ACADSB: variants seen among roughly 807,000 people sequenced by gnomAD.
ACADSB encodes acyl-CoA dehydrogenase short/branched chain, also known as short/branched chain specific acyl-CoA dehydrogenase, mitochondrial.
A neutral mutation model predicts 54.1 loss-of-function variants in ACADSB; 40 were observed. The observed-to-expected ratio is 0.74, with a 90% CI of 0.57 to 0.96. The LOEUF is 0.96. Ranked by LOEUF, ACADSB falls within the 40% of genes least tolerant of loss-of-function variation. ACADSB has a pLI of 0.00. For synonymous variants in ACADSB, 182 were observed against 182.8 expected, an observed-to-expected ratio of 1.00 and a Z score of 0.03; for missense variants, 530 against 510.4, an observed-to-expected ratio of 1.04 and a Z score of -0.37.
intron 8 of ACADSB, among the ~76,000 whole-genome samples, chr10:123,048,013 G>A (rs969980565): frequency 6.6e-6 from 1 of 152,172 alleles, no homozygotes; most frequent in East Asian, 1.9e-4. Context: ...CCCTCCTTGA[G>A]ATCTTGCCAG....
intron 1 of ACADSB, among the ~76,000 whole-genome samples, chr10:123,023,105 A>C (rs934093434): frequency 6.6e-6 from 1 of 152,218 alleles, no homozygotes; most frequent in African/African-American, 2.4e-5. Flanking sequence ...ATAACTCAGA[A>C]GACTTGGCTA....
intron 3 of ACADSB, among the ~76,000 whole-genome samples, chr10:123,038,690 A>G (rs1245710192): frequency 6.6e-6 from 1 of 152,186 alleles, no homozygotes; most frequent in Non-Finnish European, 1.5e-5. Context: ...AACCATTGCC[A>G]CTTAGCTAGA....
intron 1 of ACADSB, among the ~76,000 whole-genome samples, chr10:123,017,439 TC>T (rs1235827219): frequency 6.6e-6 from 1 of 152,192 alleles, no homozygotes; most frequent in Non-Finnish European, 1.5e-5. Context: ...TGCCTCAGCC[TC>T]CCAAGCAGCT....
At chr10:123,036,753 GC>G (rs1850404161) in intron 2 of ACADSB, among the ~76,000 whole-genome samples, 1 of 152,176 alleles carries the variant, frequency 6.6e-6, no homozygotes, top group Admixed American at 6.5e-5. Context: ...GGCTAAGGAA[GC>G]AGTCAGGAAA....
Position 123,056,001 on chromosome 10 carries a change from A to G in ACADSB, c.*2236A>G. The G allele has an allele frequency of 6.6e-6, 1 of 152,594 alleles. No homozygotes were observed. Among genetic ancestry groups the G allele is most frequent in the Non-Finnish European group, 1.5e-5 (1 of 68,228 alleles). The allele number at this position is 152,594 out of a possible 1,614,324, so 9.5% of individuals were successfully genotyped here. On this transcript the variant is annotated 3_prime_UTR_variant, in exon 11 of 11. Transcript: ENST00000358776. The stretch of plus-strand genomic sequence containing the variant: ...GAATTTTATTGTCAATATTGCTATC[A>G]GCATTTTGGGCAAAGCCATTCAGCA...
intron 3 of ACADSB, among the ~76,000 whole-genome samples, chr10:123,039,240 G>A (rs989608387): frequency 6.6e-5 from 10 of 152,096 alleles, no homozygotes; most frequent in Admixed American, 2.0e-4. Context: ...AGATCCTTCC[G>A]TTCTTCCTCG....
chr10:123,033,549 A>C (rs4980174), intron 1 of ACADSB, among the ~76,000 whole-genome samples: 45,864 of 152,044 alleles, frequency 0.3, 8,072 homozygotes, highest in Non-Finnish European at 0.39. Flanking sequence ...CTGTGATGAC[A>C]ACCTCCACTT....
intron 1 of ACADSB, among the ~76,000 whole-genome samples, chr10:123,011,975 C>T (rs942168349): frequency 1.3e-5 from 2 of 152,032 alleles, no homozygotes; most frequent in African/African-American, 4.8e-5. Flanking sequence ...CTCAGCTCCC[C>T]GGGAGCTAGG....
At chr10:123,010,937 GA>G (rs1332802875) in intron 1 of ACADSB, among the ~76,000 whole-genome samples, 1 of 152,202 alleles carries the variant, frequency 6.6e-6, no homozygotes, top group Non-Finnish European at 1.5e-5. Flanking sequence ...GACCATTGGG[GA>G]AGTGATAGGC....
Position 123,020,864 on chromosome 10 carries a change from G to A in ACADSB, c.42+11793G>A, listed in dbSNP as rs147165917. Among the ~76,000 whole-genome samples, 56 of 152,314 alleles carry A rather than the reference G, an allele frequency of 3.7e-4. No individual in the cohort carries two copies. In the East Asian group the frequency reaches 0.01, roughly 27 times the overall value. ...CTAAAAATACAAAAATTAGCTGGGT[G>A]TGATGGCACGCGGCTGTAATCCTAG... On this transcript the variant is annotated intron_variant, in intron 1 of 10. Transcript: ENST00000358776.
chr10:123,034,259 A>AT (rs1850366019), intron 1 of ACADSB, 97 bp from the exon 2 acceptor site: 3 of 1,342,040 alleles, frequency 2.2e-6, no homozygotes, highest in Non-Finnish European at 3.2e-6. Flanking sequence ...AAGTTTCCTT[A>AT]TTTTGGTGAC....
chr10:123,044,720 A>G (rs1850527858), intron 7 of ACADSB, among the ~76,000 whole-genome samples: 1 of 152,238 alleles, frequency 6.6e-6, no homozygotes, highest in African/African-American at 2.4e-5. Flanking sequence ...TGAGAACATT[A>G]AAGTATTATC....
At chr10:123,053,222 C>A (rs1045316459) in intron 10 of ACADSB, 62 bp downstream of exon 10, 10 of 1,381,852 alleles carry the variant, frequency 7.2e-6, no homozygotes, top group Non-Finnish European at 1.0e-5. Flanking sequence ...GGTATTTTGG[C>A]TGTTTTATTT....
chr10:123,010,963 G>T (rs1031604690), intron 1 of ACADSB, among the ~76,000 whole-genome samples: 1 of 152,208 alleles, frequency 6.6e-6, no homozygotes, highest in African/African-American at 2.4e-5. Flanking sequence ...TGGAAGCTGG[G>T]TTAGAGTTTA....
In ACADSB at chr10:123,043,033, T is replaced by C; in HGVS notation, c.682-13T>C. 6.2e-7 allele frequency: 1 copy of C among 1,612,874 alleles called. No homozygotes were observed. The highest frequency in any genetic ancestry group is 8.5e-7 in the Non-Finnish European group (1 of 1,179,110). On this transcript the variant is annotated splice_polypyrimidine_tract_variant and intron_variant, in intron 5 of 10. Transcript: ENST00000358776. ...AATCCAAGTGGTAATAGCGTTTTAA[T>C]TCTTCTTTTTAGGGATATAAGGGAA...
At chr10:123,045,200 A>G (rs1303029047) in intron 7 of ACADSB, among the ~76,000 whole-genome samples, 1 of 27,788 alleles carries the variant, frequency 3.6e-5, no homozygotes, top group African/African-American at 1.7e-4. Flanking sequence ...TTTTTTTGAG[A>G]TGGAGTCTTG....
intron 1 of ACADSB, among the ~76,000 whole-genome samples, chr10:123,030,396 G>A (rs945680099): frequency 3.3e-5 from 5 of 151,944 alleles, no homozygotes; most frequent in Middle Eastern, 6.8e-3. Flanking sequence ...CTATGGTGGC[G>A]CACACCTGTA....
intron 1 of ACADSB, among the ~76,000 whole-genome samples, chr10:123,029,892 C>T (rs1023845119): frequency 5.3e-5 from 8 of 152,148 alleles, no homozygotes; most frequent in African/African-American, 1.9e-4. Context: ...ATTTATTTCT[C>T]ATAGTTCTGG....
At chr10:123,042,433 A>G (rs1439305955) in intron 5 of ACADSB, among the ~76,000 whole-genome samples, 2 of 151,700 alleles carry the variant, frequency 1.3e-5, no homozygotes, top group African/African-American at 4.8e-5. Context: ...TCACTAATGT[A>G]ACAATTGAAT....
Sources: gnomAD v4.1 joint callset for allele counts (sites outside exome capture counted in the v4.1 genomes callset) on GRCh38, gnomAD v4.1.1 for gene constraint, MANE v1.5 for transcripts, NCBI Gene and HGNC (gene_info 2026-07-23, HGNC 2026-07-21) for gene names.